KCNB2: variants seen among roughly 807,000 people sequenced by gnomAD.
KCNB2 encodes potassium voltage-gated channel subfamily B member 2, also known as delayed rectifier potassium channel protein.
Under a neutral mutation model 61.5 loss-of-function variants are expected in KCNB2, and 15 were observed. That is an observed-to-expected ratio of 0.24 (90% confidence interval 0.16 to 0.38). KCNB2 has a LOEUF of 0.38. Ranked by LOEUF, KCNB2 falls within the 10% of genes least tolerant of loss-of-function variation. The pLI, the probability that KCNB2 is intolerant of heterozygous loss-of-function variation, is 1.00. For missense variants in KCNB2, 828 were observed against 1,125.2 expected (o/e 0.74, Z 3.78); for synonymous variants, 457 against 446.0 (o/e 1.02, Z -0.31).
At chr8:72,651,131 GA>G (rs1201166367) in intron 2 of KCNB2, among the ~76,000 whole-genome samples, 1 of 152,124 alleles carries the variant, frequency 6.6e-6, no homozygotes, top group Non-Finnish European at 1.5e-5. Flanking sequence ...AGGGAATGAG[GA>G]AAACACTAAG....
chr8:72,641,855 G>A (rs1336887479), intron 2 of KCNB2, among the ~76,000 whole-genome samples: 1 of 152,146 alleles, frequency 6.6e-6, no homozygotes, highest in African/African-American at 2.4e-5. Context: ...TAGGATAAGT[G>A]AGGAGCTAGA....
intron 2 of KCNB2, among the ~76,000 whole-genome samples, chr8:72,870,244 T>A (rs1805594506): frequency 6.6e-6 from 1 of 152,180 alleles, no homozygotes. Flanking sequence ...TTACATAAGA[T>A]GAATAAGTTC....
intron 2 of KCNB2, among the ~76,000 whole-genome samples, chr8:72,870,749 G>A (rs1438986214): frequency 1.3e-5 from 2 of 152,152 alleles, no homozygotes; most frequent in African/African-American, 4.8e-5. Flanking sequence ...TCTTAATAAG[G>A]ATAGCAATTT....
chr8:72,612,488 C>T (rs2128983484), intron 2 of KCNB2, among the ~76,000 whole-genome samples: 1 of 152,306 alleles, frequency 6.6e-6, no homozygotes, highest in Middle Eastern at 3.4e-3. Flanking sequence ...ACATTTTGCC[C>T]TGCTTTCTTC....
chr8:72,790,680 T>C (rs1397277689), intron 2 of KCNB2, among the ~76,000 whole-genome samples: 1 of 152,202 alleles, frequency 6.6e-6, no homozygotes, highest in African/African-American at 2.4e-5. Context: ...ACCTCTTATA[T>C]TTCTAACAAT....
intron 2 of KCNB2, among the ~76,000 whole-genome samples, chr8:72,819,587 A>G (rs1015556475): frequency 7.2e-5 from 11 of 152,208 alleles, no homozygotes; most frequent in Non-Finnish European, 5.9e-5. Context: ...AGGGAATTAT[A>G]ATAATATAAT....
chr8:72,708,714 G>C (rs1367308944), intron 2 of KCNB2, among the ~76,000 whole-genome samples: 1 of 152,176 alleles, frequency 6.6e-6, no homozygotes, highest in Non-Finnish European at 1.5e-5. Flanking sequence ...ATGCAGACTT[G>C]TTTTATGTCA....
intron 2 of KCNB2, among the ~76,000 whole-genome samples, chr8:72,610,871 G>GTT (rs1324809057): frequency 6.6e-6 from 1 of 152,130 alleles, no homozygotes; most frequent in African/African-American, 2.4e-5. Flanking sequence ...CACTGAAGGG[G>GTT]TAACAGAAAG....
At chr8:72,746,456 TAAAGA>T (rs1274177751) in intron 2 of KCNB2, among the ~76,000 whole-genome samples, 1 of 152,126 alleles carries the variant, frequency 6.6e-6, no homozygotes, top group Non-Finnish European at 1.5e-5. Flanking sequence ...TCTTGTCTAC[TAAAGA>T]AAAGACACCA....
At chr8:72,544,689 T>C (rs1806234622) in intron 1 of KCNB2, among the ~76,000 whole-genome samples, 1 of 152,212 alleles carries the variant, frequency 6.6e-6, no homozygotes. Context: ...GTGATTGTAT[T>C]AGTTGAGGTA....
At chr8:72,840,398 T>C (rs956951203) in intron 2 of KCNB2, among the ~76,000 whole-genome samples, 1 of 152,230 alleles carries the variant, frequency 6.6e-6, no homozygotes, top group Non-Finnish European at 1.5e-5. Context: ...TATAGTAGAA[T>C]GATTTATAAT....
At chr8:72,821,659 A>AAAAAAAAAAAAAAAAAAAC (rs1554535735) in intron 2 of KCNB2, among the ~76,000 whole-genome samples, 2 of 117,094 alleles carry the variant, frequency 1.7e-5, no homozygotes, top group Non-Finnish European at 3.4e-5. Context: ...AAAAAAAAAA[A>AAAAAAAAAAAAAAAAAAAC]ACACACACAC....
At position 72,561,759 on chromosome 8, in the gene KCNB2, A is replaced by G. The variant is rs1166079773; in HGVS notation, c.-93-5883A>G. Among the ~76,000 whole-genome samples, 84 of 21,276 alleles carry G rather than the reference A, an allele frequency of 3.9e-3. 5 individuals are homozygous for G. The highest frequency in any genetic ancestry group is 0.029 in the African/African-American group (62 of 2,138). The allele number at this position is 21,276 out of a possible 152,430, so 14.0% of individuals were successfully genotyped here. On this transcript the variant is annotated intron_variant, in intron 1 of 2. Coordinates refer to ENST00000523207, the MANE Select transcript of KCNB2 (RefSeq NM_004770.3). ...TCTATATATATATGTATATATATAT[A>G]TGGATATATATATATATGGATATAT...
At chr8:72,568,564 A>C (rs1011309544) in intron 2 of KCNB2, among the ~76,000 whole-genome samples, 4 of 152,204 alleles carry the variant, frequency 2.6e-5, no homozygotes, top group African/African-American at 9.7e-5. Flanking sequence ...AGAGGATGAA[A>C]GAGAGTCCTG....
At chr8:72,648,770 AAAAG>A (rs1439641641) in intron 2 of KCNB2, among the ~76,000 whole-genome samples, 1 of 152,116 alleles carries the variant, frequency 6.6e-6, no homozygotes, top group Non-Finnish European at 1.5e-5. Flanking sequence ...ATATCAGAAA[AAAAG>A]AAAGAAATTA....
rs561639378 is a variant in KCNB2, at chr8:72,867,335, G to A, written c.580-68600G>A. Among the ~76,000 whole-genome samples the A allele has an allele frequency of 6.6e-5, 10 of 152,290 alleles. No individual in the cohort carries two copies. In the East Asian group the frequency reaches 1.5e-3, roughly 24 times the overall value. On this transcript the variant is annotated intron_variant, in intron 2 of 2. Transcript: ENST00000523207. ...TTACCTATATTGTACAATAAGTACCGTGTTGAGCATGTCTTAAAACAGTGG... is the reference window on the plus strand; with the variant it reads ...TTACCTATATTGTACAATAAGTACCATGTTGAGCATGTCTTAAAACAGTGG...
intron 2 of KCNB2, among the ~76,000 whole-genome samples, chr8:72,925,108 A>G (rs1041559382): frequency 6.6e-6 from 1 of 152,236 alleles, no homozygotes; most frequent in South Asian, 2.1e-4. Flanking sequence ...AAATGATTGC[A>G]TTATGGCTTT....
At chr8:72,726,027 T>C (rs2128993127) in intron 2 of KCNB2, among the ~76,000 whole-genome samples, 1 of 152,248 alleles carries the variant, frequency 6.6e-6, no homozygotes, top group South Asian at 2.1e-4. Flanking sequence ...AACCTAAACA[T>C]CTACTGTGGA....
intron 2 of KCNB2, among the ~76,000 whole-genome samples, chr8:72,649,130 A>G (rs1183375384): frequency 6.6e-6 from 1 of 152,114 alleles, no homozygotes; most frequent in Non-Finnish European, 1.5e-5. Flanking sequence ...ATATTTTTCT[A>G]TTATTCCTCT....
Sources: allele counts gnomAD v4.1 joint callset (sites outside exome capture counted in the v4.1 genomes callset), GRCh38; gene constraint gnomAD v4.1.1; transcripts MANE v1.5; gene names NCBI Gene and HGNC (gene_info 2026-07-23, HGNC 2026-07-21).